The following ERN1 variants were observed in gnomAD, a reference collection of about 807,000 sequenced individuals.
ERN1 encodes the protein serine/threonine-protein kinase/endoribonuclease IRE1.
In ERN1, 39 loss-of-function variants were observed where a neutral mutation model predicts 113.1. That is an observed-to-expected ratio of 0.34 (90% confidence interval 0.27 to 0.45). The LOEUF (loss-of-function observed/expected upper bound fraction) is 0.45, where lower values mean the gene tolerates loss of function less well. ERN1 is among the 20% of genes least tolerant of loss of function. The pLI is 1.00. For synonymous variants in ERN1, 507 were observed against 515.9 expected (o/e 0.98, Z 0.23); for missense variants, 976 against 1,274.8 (o/e 0.77, Z 3.57).
At position 64,089,693 on chromosome 17, in the gene ERN1, G is replaced by C. The variant is rs141357198; in HGVS notation, c.175+8428C>G. Among the ~76,000 whole-genome samples, 192 of 152,262 alleles carry C rather than the reference G, an allele frequency of 1.3e-3. 2 individuals are homozygous for C. Among genetic ancestry groups the C allele is most frequent in the African/African-American group, 4.0e-3 (168 of 41,548 alleles). ...AAGGTGCTGCAACAGATAGACCCGA[G>C]CCGGGGTGGAGGGGAGTCAGAAACA... On this transcript the variant is annotated intron_variant, in intron 2 of 21. Transcript: ENST00000433197.
chr17:64,044,964 T>A lies in ERN1; in HGVS notation c.2654-37A>T. 7.2e-7 allele frequency: 1 copy of A among 1,397,302 alleles called. No individual in the cohort carries two copies. 86.6% of individuals were successfully genotyped at this position (1,397,302 alleles called of 1,614,324 possible). The stretch of plus-strand genomic sequence containing the variant: ...TTGAGGGAAGCAATGGGTAATCAAA[T>A]TTAAAACTAATACATTTTAAAAGAA... On this transcript the variant is annotated intron_variant, in intron 20 of 21. Transcript: ENST00000433197. This position sits in a 1 kb window ranked among gnomAD's most constrained non-coding sequence, Gnocchi z 4.1.
chr17:64,122,155 G>A (rs1914971115), intron 1 of ERN1, among the ~76,000 whole-genome samples: 1 of 152,150 alleles, frequency 6.6e-6, no homozygotes, highest in Non-Finnish European at 1.5e-5. Context: ...GGAGGTAGGA[G>A]GATCAAGTTT....
At chr17:64,074,934 C>T (rs1171741644) in intron 5 of ERN1, 2 of 498,626 alleles carry the variant, frequency 4.0e-6, no homozygotes, top group Non-Finnish European at 7.0e-6. Context: ...ACTAAGTCAA[C>T]ACAGCAACTA....
In ERN1 at chr17:64,108,032, G is replaced by C. The variant is rs146301962; in HGVS notation, c.55-9791C>G. On this transcript the variant is annotated intron_variant, in intron 1 of 21. Coordinates refer to ENST00000433197, the MANE Select transcript of ERN1 (RefSeq NM_001433.5). The stretch of plus-strand genomic sequence containing the variant: ...GAGTCAAGTGTCTAGCTGGGATGCA[G>C]AAAAGGCCAAGGCCTAACTGAACAG... 4.7e-3 allele frequency among the ~76,000 whole-genome samples: 717 copies of C among 152,300 alleles called. 4 individuals carry two copies. Among genetic ancestry groups the C allele is most frequent in the African/African-American group, 0.016 (678 of 41,564 alleles).
At chr17:64,046,833 C>A (rs1029384399) in intron 19 of ERN1, among the ~76,000 whole-genome samples, 1 of 152,230 alleles carries the variant, frequency 6.6e-6, no homozygotes, top group African/African-American at 2.4e-5. Context: ...GCTTTCAGAG[C>A]CACGTGCTGG....
intron 1 of ERN1, among the ~76,000 whole-genome samples, chr17:64,112,115 C>G (rs1177010939): frequency 2.0e-5 from 3 of 152,130 alleles, no homozygotes; most frequent in Non-Finnish European, 4.4e-5. Flanking sequence ...TGCCTGTAAT[C>G]CCAGCACTTT....
At chr17:64,106,748 ACACACACACACACAC>A (rs1358587587) in intron 1 of ERN1, among the ~76,000 whole-genome samples, 9 of 145,176 alleles carry the variant, frequency 6.2e-5, no homozygotes, top group African/African-American at 2.2e-4. Flanking sequence ...ACACACACAC[ACACACACACACACAC>A]AAGCTCGCTG....
At chr17:64,097,616 T>A (rs1298339296) in intron 2 of ERN1, among the ~76,000 whole-genome samples, 1 of 152,168 alleles carries the variant, frequency 6.6e-6, no homozygotes, top group East Asian at 1.9e-4. Flanking sequence ...GTATGTTAAG[T>A]AAGAAAGAAG....
intron 1 of ERN1, among the ~76,000 whole-genome samples, chr17:64,116,948 CA>C (rs536779884): frequency 0.43 from 38,864 of 89,738 alleles, 8,332 homozygotes; most frequent in African/African-American, 0.69. Context: ...ACTAAAAATA[CA>C]AAAAAAAAAA....
intron 1 of ERN1, among the ~76,000 whole-genome samples, chr17:64,110,836 G>A (rs1914652416): frequency 6.6e-6 from 1 of 152,220 alleles, no homozygotes; most frequent in Non-Finnish European, 1.5e-5. Flanking sequence ...AGATTGGAAA[G>A]CACAAGAAAC....
At chr17:64,105,027 C>G (rs996515598) in intron 1 of ERN1, among the ~76,000 whole-genome samples, 1 of 151,638 alleles carries the variant, frequency 6.6e-6, no homozygotes, top group African/African-American at 2.4e-5. Context: ...CACACACACA[C>G]AGAAAACCTA....
chr17:64,102,956 A>AC, intron 1 of ERN1: 1 of 985,388 alleles, frequency 1.0e-6, no homozygotes, highest in South Asian at 4.7e-5. Context: ...GTAGGAAGTA[A>AC]CCAACAGTAA....
intron 1 of ERN1, chr17:64,129,515 C>T: frequency 3.2e-6 from 1 of 316,620 alleles, no homozygotes; most frequent in Non-Finnish European, 5.8e-6. Context: ...GGATTCGAAG[C>T]GCAGGACAGA....
At position 64,039,182 on chromosome 17, in the gene ERN1, T is replaced by G. The variant is rs565289778; in HGVS notation, c.*4806A>C. The stretch of plus-strand genomic sequence containing the variant: ...TACCTTTATTGTGGTTGGCTCGACA[T>G]AAGATGCCGCCATCAGCAGAATTAT... On this transcript the variant is annotated 3_prime_UTR_variant, in exon 22 of 22. Transcript: ENST00000433197. The G allele has an allele frequency of 1.3e-5, 2 of 152,180 alleles. No homozygotes were observed. The highest frequency in any genetic ancestry group is 6.5e-5 in the Admixed American group (1 of 15,284). 9.4% of individuals were successfully genotyped at this position (152,180 alleles called of 1,614,324 possible).
intron 1 of ERN1, among the ~76,000 whole-genome samples, chr17:64,122,063 A>T (rs1914968972): frequency 6.6e-6 from 1 of 152,232 alleles, no homozygotes; most frequent in African/African-American, 2.4e-5. Flanking sequence ...TCAGCTCCTC[A>T]GGGTATGACT....
chr17:64,057,744 G>A (rs1275679751), intron 12 of ERN1, 58 bp downstream of exon 12: 5 of 1,478,704 alleles, frequency 3.4e-6, no homozygotes, highest in African/African-American at 1.4e-5. Flanking sequence ...GACATGAGGC[G>A]ACAGGCAGAG....
In ERN1 at chr17:64,054,770, C is replaced by G. The variant is rs763887387; in HGVS notation, c.1731G>C (p.Leu577=). The G allele has an allele frequency of 6.2e-7, 1 of 1,610,274 alleles. No individual in the cohort carries two copies. Among genetic ancestry groups the G allele is most frequent in the Non-Finnish European group, 8.5e-7 (1 of 1,178,628 alleles). ...CAATTGTGCCCTCAGCTCCATGGCC[C>G]AGGACATCCTTGGGACAGAAGGAAA... ...GKISFCPKDV[L]GHGAEGTIVY... is the part of the protein sequence containing the mutation. Residue 577 remains leucine (L), a synonymous_variant, in exon 14 of 22, where the codon CTG becomes CTC. Transcript: ENST00000433197. The surrounding 1 kb of genome is among the most constrained non-coding windows in gnomAD (Gnocchi z 4.9).
chr17:64,054,192 G>T lies in ERN1; in HGVS notation c.1953+58C>A. ...TGAGCTCACGTGATCTGCTCACTTT[G>T]GCCTCCCAAAGTGCTATGACTTTAA... On this transcript the variant is annotated intron_variant, in intron 15 of 21. Coordinates refer to ENST00000433197, the MANE Select transcript of ERN1 (RefSeq NM_001433.5). The surrounding 1 kb of genome is among the most constrained non-coding windows in gnomAD (Gnocchi z 4.9). 6.9e-7 allele frequency: 1 copy of T among 1,449,484 alleles called. No homozygotes were observed. The highest frequency in any genetic ancestry group is 9.4e-7 in the Non-Finnish European group (1 of 1,069,194). The allele number at this position is 1,449,484 out of a possible 1,614,324, so 89.8% of individuals were successfully genotyped here. A position where few individuals can be genotyped will look rare whatever the true frequency, so the allele number is the denominator to read the frequency against.
intron 7 of ERN1, 126 bp from the exon 8 acceptor site, chr17:64,067,058 T>C: frequency 1.0e-6 from 1 of 984,932 alleles, no homozygotes. Context: ...TTCTCAGATC[T>C]CCTCTGAGCA....
Sources: gnomAD v4.1 joint callset for allele counts (sites outside exome capture counted in the v4.1 genomes callset) on GRCh38, gnomAD v4.1.1 for gene constraint, Gnocchi (gnomAD v3.1) non-coding constraint, MANE v1.5 for transcripts, NCBI Gene and HGNC (gene_info 2026-07-23, HGNC 2026-07-21) for gene names.